The following KLHL13 variants were observed in gnomAD, a reference collection of about 807,000 sequenced individuals.
The protein encoded by KLHL13 is kelch like family member 13.
In KLHL13, 10 loss-of-function variants were observed where a neutral mutation model predicts 37.1. The ratio of observed to expected loss-of-function variants is 0.27; its 90% CI spans 0.17 to 0.46. The LOEUF is 0.46. Among genes scored for constraint, KLHL13 ranks in the 20% least tolerant of loss-of-function variants. The pLI is 1.00. For missense variants in KLHL13, 360 were observed against 509.3 expected (o/e 0.71, Z 2.82); for synonymous variants, 163 against 181.2 (o/e 0.90, Z 0.81).
chrX:117,909,398 T>C, exon 5 of KLHL13: 2 of 1,210,780 alleles, frequency 1.7e-6, no homozygotes, highest in Non-Finnish European at 2.2e-6. Flanking sequence ...AAGATGCAAC[T>C]TGCATCCATT....
chrX:118,058,451 T>C (rs1177848273), intron 1 of KLHL13, among the ~76,000 whole-genome samples: 1 of 111,793 alleles, frequency 8.9e-6, no homozygotes, highest in Non-Finnish European at 1.9e-5. Context: ...AGTGCTTTCA[T>C]AGTTCTCCAC....
At chrX:117,974,759 G>A (rs1476871222), upstream of KLHL13, among the ~76,000 whole-genome samples, 1 of 111,318 alleles carries the variant, frequency 9.0e-6, no homozygotes, top group Non-Finnish European at 1.9e-5. Flanking sequence ...GAAAGAGAAA[G>A]CTTATTTTGA....
At chrX:118,067,226 C>A (rs1280616210) in intron 1 of KLHL13, among the ~76,000 whole-genome samples, 1 of 111,710 alleles carries the variant, frequency 9.0e-6, no homozygotes, top group Non-Finnish European at 1.9e-5. Flanking sequence ...TGTATCTAAG[C>A]ATATCTAAAC....
chrX:117,988,631 G>A (rs1267437835), intron 1 of KLHL13, among the ~76,000 whole-genome samples: 1 of 112,065 alleles, frequency 8.9e-6, no homozygotes, highest in Non-Finnish European at 1.9e-5. Context: ...GAAATAAAAT[G>A]AATGGAAATG....
At chrX:117,901,218 A>T (rs1012882345) in intron 6 of KLHL13, among the ~76,000 whole-genome samples, 1 of 111,653 alleles carries the variant, frequency 9.0e-6, no homozygotes, top group African/African-American at 3.3e-5. Context: ...AGGAGAACTT[A>T]TATGTTATAT....
intron 1 of KLHL13, among the ~76,000 whole-genome samples, chrX:118,033,687 G>C (rs1041677751): frequency 1.9e-5 from 2 of 108,021 alleles, no homozygotes; most frequent in Non-Finnish European, 3.8e-5. Flanking sequence ...ATCAACTAAC[G>C]AGCAAAATCA....
exon 5 of KLHL13, chrX:117,909,449 C>T (rs770733153): frequency 9.1e-6 from 11 of 1,209,941 alleles, no homozygotes; most frequent in Middle Eastern, 2.3e-4. Flanking sequence ...TATCAACTGC[C>T]GTTTTTCCTT....
At chrX:118,032,266 GC>G (rs1435255777) in intron 1 of KLHL13, among the ~76,000 whole-genome samples, 5 of 112,349 alleles carry the variant, frequency 4.5e-5, no homozygotes, top group African/African-American at 1.6e-4. Context: ...GCCTGCCTCT[GC>G]AGGCTCCACC....
chrX:118,031,625 G>T (rs891197144), intron 1 of KLHL13, among the ~76,000 whole-genome samples: 2 of 85,175 alleles, frequency 2.3e-5, no homozygotes, highest in African/African-American at 9.2e-5. Context: ...ATATTTAGTT[G>T]TATATATATT....
chrX:118,059,006 T>G (rs2054713867), intron 1 of KLHL13, among the ~76,000 whole-genome samples: 1 of 111,422 alleles, frequency 9.0e-6, no homozygotes, highest in South Asian at 3.8e-4. Context: ...GTTTTGAGCA[T>G]GCAAAAAATC....
chrX:118,043,215 A>C (rs1336433647), intron 1 of KLHL13, among the ~76,000 whole-genome samples: 4 of 111,694 alleles, frequency 3.6e-5, no homozygotes. Context: ...GAACAGACCA[A>C]TAACAAGTAA....
At chrX:118,059,394 C>T (rs748462796) in intron 1 of KLHL13, among the ~76,000 whole-genome samples, 11 of 111,747 alleles carry the variant, frequency 9.8e-5, no homozygotes, top group East Asian at 5.6e-4. Context: ...TTTCTTCTCA[C>T]GCTGTTTCCA....
intron 1 of KLHL13, among the ~76,000 whole-genome samples, chrX:118,021,141 T>C (rs1332614702): frequency 9.3e-6 from 1 of 108,075 alleles, no homozygotes; most frequent in Non-Finnish European, 1.9e-5. Flanking sequence ...TAAAGTATAA[T>C]AATAAAAAAA....
At chrX:117,901,458 A>G (rs1245070326) in intron 6 of KLHL13, among the ~76,000 whole-genome samples, 1 of 110,593 alleles carries the variant, frequency 9.0e-6, no homozygotes, top group African/African-American at 3.3e-5. Context: ...ACACACAAAA[A>G]TAGTTTCTAA....
intron 2 of KLHL13, among the ~76,000 whole-genome samples, chrX:117,942,184 G>A (rs1263125578): frequency 2.7e-5 from 3 of 111,934 alleles, no homozygotes; most frequent in African/African-American, 9.8e-5. Flanking sequence ...TGATTGCACT[G>A]TGGTTTCAGA....
chrX:118,110,377 C>CTTTTTTTT (rs1054663520), intron 1 of KLHL13, among the ~76,000 whole-genome samples: 6 of 82,558 alleles, frequency 7.3e-5, no homozygotes, highest in African/African-American at 9.9e-5. Flanking sequence ...ATTTCTTTTT[C>CTTTTTTTT]TTTTTTTTTT....
At chrX:118,031,389 ATTTAAC>A (rs942023775) in intron 1 of KLHL13, among the ~76,000 whole-genome samples, 3 of 91,377 alleles carry the variant, frequency 3.3e-5, no homozygotes, top group African/African-American at 1.4e-4. Context: ...TTTATGTGGG[ATTTAAC>A]TTTAACTAAA....
At chrX:118,074,543 G>A (rs2054908447) in intron 1 of KLHL13, among the ~76,000 whole-genome samples, 1 of 111,493 alleles carries the variant, frequency 9.0e-6, no homozygotes, top group African/African-American at 3.3e-5. Context: ...AGCAAGATAG[G>A]GTAAATACCA....
intron 1 of KLHL13, among the ~76,000 whole-genome samples, chrX:118,026,534 T>A (rs957775034): frequency 9.0e-6 from 1 of 111,710 alleles, no homozygotes; most frequent in African/African-American, 3.2e-5. Flanking sequence ...GGAAGAATGA[T>A]GAAATCGTTG....
Sources: gnomAD v4.1 joint callset for allele counts (sites outside exome capture counted in the v4.1 genomes callset) on GRCh38, gnomAD v4.1.1 for gene constraint, MANE v1.5 for transcripts, NCBI Gene and HGNC (gene_info 2026-07-23, HGNC 2026-07-21) for gene names.